Variants in MYL5 observed in about 807,000 individuals in gnomAD.
MYL5 encodes the protein myosin regulatory light chain 5.
A neutral mutation model predicts 20.8 loss-of-function variants in MYL5; 28 were observed. The observed-to-expected ratio is 1.35, with a 90% CI of 1.00 to 1.84. The LOEUF (loss-of-function observed/expected upper bound fraction) is 1.84, where lower values mean the gene tolerates loss of function less well. MYL5 is among the 40% of genes most tolerant of loss of function. MYL5 has a pLI of 0.00. For missense variants in MYL5, 274 were observed against 227.3 expected, an observed-to-expected ratio of 1.21 and a Z score of -1.32; for synonymous variants, 118 against 87.4, an observed-to-expected ratio of 1.35 and a Z score of -1.95.
At chr4:680,651 CAAAA>C in intron 5 of MYL5, 64 bp downstream of exon 7, 1 of 1,533,978 alleles carries the variant, frequency 6.5e-7, no homozygotes, top group Non-Finnish European at 9.0e-7. Context: ...CATCCTGTCC[CAAAA>C]GGGACAGTCA....
At chr4:677,915 C>G (rs1042473134), upstream of MYL5, 1 of 1,588,280 alleles carries the variant, frequency 6.3e-7, no homozygotes, top group African/African-American at 1.3e-5. Flanking sequence ...CAAGCCTGTC[C>G]TTGTAGGGAG....
chr4:677,780 G>A, upstream of MYL5: 1 of 616,996 alleles, frequency 1.6e-6, no homozygotes, highest in Non-Finnish European at 3.0e-6. Context: ...GTGGATGGGA[G>A]GTAGTCCTGG....
chr4:677,915 C>T (rs1042473134), upstream of MYL5: 7 of 1,588,398 alleles, frequency 4.4e-6, no homozygotes, highest in Admixed American at 1.0e-4. Context: ...CAAGCCTGTC[C>T]TTGTAGGGAG....
At chr4:678,836 G>A in intron 2 of MYL5, 71 bp downstream of exon 4, 1 of 1,606,888 alleles carries the variant, frequency 6.2e-7, no homozygotes, top group Non-Finnish European at 8.5e-7. Context: ...CATGTGGGCT[G>A]GCTCCAGGGC....
chr4:680,820 T>G lies in MYL5; in HGVS notation c.371+233T>G, dbSNP rs528950538. ...GTGGGGCGGCTTCCCCTCAGCCCAC[T>G]CCTCCATCTTCAGCTCCTGCTAGGC... On this transcript the variant is annotated intron_variant, in intron 5 of 6. Transcript: ENST00000400159. 4.3e-5 allele frequency: 27 copies of G among 628,008 alleles called. No homozygotes were observed. The African/African-American group carries it at 4.6e-4, about 11-fold the overall frequency. The allele number at this position is 628,008 out of a possible 1,614,324, so 38.9% of individuals were successfully genotyped here.
In MYL5 at chr4:678,062, C is replaced by T. The variant is rs180764599; in HGVS notation, c.3+33C>T. On this transcript the variant is annotated intron_variant, in intron 1 of 6. Transcript: ENST00000400159. ...GGCCGCCGTGCATGCCTGGGGCAGG[C>T]GTGTGGGTGTGAGCTGTGCTGTGCA... is the stretch of plus-strand genomic sequence containing the variant. 1.2e-4 allele frequency: 200 copies of T among 1,612,030 alleles called. 2 individuals are homozygous for T. In the Admixed American group the frequency reaches 2.6e-3, roughly 21 times the overall value.
chr4:678,262 C>G, intron 1 of MYL5: 1 of 1,467,938 alleles, frequency 6.8e-7, no homozygotes, highest in South Asian at 1.4e-5. Flanking sequence ...CGTTGCTCTC[C>G]TGGTGAGAGT....
intron 3 of MYL5, among the ~76,000 whole-genome samples, chr4:679,661 G>T (rs1260033579): frequency 1.3e-5 from 2 of 152,184 alleles, no homozygotes; most frequent in Non-Finnish European, 2.9e-5. Context: ...AAGAACAGCA[G>T]ATCCCAGCAC....
exon 5 of MYL5, chr4:680,536 A>T (rs772028565): frequency 1.3e-5 from 21 of 1,613,484 alleles, no homozygotes; most frequent in Non-Finnish European, 1.6e-5. Context: ...ACCATTCTTA[A>T]CGCCTTCAAG....
intron 5 of MYL5, chr4:680,800 G>A (rs763612779): frequency 1.6e-6 from 1 of 643,788 alleles, no homozygotes; most frequent in East Asian, 2.7e-5. Context: ...TGGGGGTGGG[G>A]CGGCTTCCCC....
At chr4:676,171 T>A (rs1738817981), upstream of MYL5, 1 of 152,220 alleles carries the variant, frequency 6.6e-6, no homozygotes, top group African/African-American at 2.4e-5. Context: ...ATCTTGGCCC[T>A]CGGCAAGCCC....
At chr4:681,574 C>G (rs1002087375) in intron 6 of MYL5, among the ~76,000 whole-genome samples, 3 of 147,368 alleles carry the variant, frequency 2.0e-5, no homozygotes, top group African/African-American at 7.5e-5. Flanking sequence ...GACACGTGCG[C>G]CCAGACTGTG....
At position 680,496 on chromosome 4, in the gene MYL5, GC is replaced by G. The variant is rs1463273993; in HGVS notation, c.293-11del. On this transcript the variant is annotated splice_polypyrimidine_tract_variant and intron_variant, in intron 4 of 6. Transcript: ENST00000400159. Reference sequence around the variant, plus strand: ...ACCCTGACGGCCCTGGGCTGAAGGTGCCTTTGTGGCAGGTACCGACGCCGAG... The same window carrying G: ...ACCCTGACGGCCCTGGGCTGAAGGTGCTTTGTGGCAGGTACCGACGCCGAG... 6.2e-7 allele frequency: 1 copy of G among 1,613,404 alleles called. No individual in the cohort carries two copies. Among genetic ancestry groups the G allele is most frequent in the Non-Finnish European group, 8.5e-7 (1 of 1,179,886 alleles).
chr4:681,029 C>T (rs1739425920), intron 5 of MYL5, 63 bp from the exon 8 acceptor site: 11 of 1,541,698 alleles, frequency 7.1e-6, no homozygotes, highest in Non-Finnish European at 9.7e-6. Flanking sequence ...AGCACCTGAG[C>T]CCCACCGAGA....
At chr4:679,412 C>T (rs1294462831) in intron 3 of MYL5, among the ~76,000 whole-genome samples, 2 of 152,198 alleles carry the variant, frequency 1.3e-5, no homozygotes, top group African/African-American at 4.8e-5. Flanking sequence ...ACAGAGCTGA[C>T]AGAGGGCGTG....
intron 6 of MYL5, among the ~76,000 whole-genome samples, chr4:681,641 C>G (rs1409617850): frequency 1.4e-5 from 1 of 70,758 alleles, no homozygotes. Context: ...TCCAGCGCCG[C>G]CCCGCCCCCT....
In MYL5 at chr4:677,993, C is replaced by A. The variant is rs200903251; in HGVS notation, c.-34C>A. 5,370 of 1,613,360 alleles carry A rather than the reference C, an allele frequency of 3.3e-3. 15 individuals carry two copies. Among genetic ancestry groups the A allele is most frequent in the Non-Finnish European group, 4.3e-3 (5,044 of 1,179,952 alleles). ...CTTAAGATGGGCAAGACCTGGGGCC[C>A]TGGGCAGACGCATCAAAGCAGGCAG... is the stretch of plus-strand genomic sequence containing the variant. On this transcript the variant is annotated 5_prime_UTR_variant, in exon 1 of 7. In the 5' UTR this introduces an upstream ATG that the reference lacks. Transcript: ENST00000400159.
chr4:676,506 G>A (rs866850509), upstream of MYL5: 3 of 152,298 alleles, frequency 2.0e-5, no homozygotes, highest in African/African-American at 7.2e-5. Flanking sequence ...ACCGCCCGCA[G>A]GGGCCTCTGC....
chr4:678,068 G>T (rs1367301617), intron 1 of MYL5, 39 bp downstream of exon 3: 2 of 1,611,174 alleles, frequency 1.2e-6, no homozygotes, highest in African/African-American at 2.7e-5. Context: ...CAGGCGTGTG[G>T]GTGTGAGCTG....
Sources: gnomAD v4.1 joint callset for allele counts (sites outside exome capture counted in the v4.1 genomes callset) on GRCh38, gnomAD v4.1.1 for gene constraint, MANE v1.5 for transcripts, NCBI Gene and HGNC (gene_info 2026-07-23, HGNC 2026-07-21) for gene names.